CARMIL1: variants seen among roughly 807,000 people sequenced by gnomAD.
CARMIL1 encodes the protein F-actin-uncapping protein LRRC16A.
In CARMIL1, 90 loss-of-function variants were observed where a neutral mutation model predicts 177.1. The observed-to-expected ratio is 0.51, with a 90% CI of 0.43 to 0.61. The LOEUF is 0.61. CARMIL1 is among the 20% of genes least tolerant of loss of function. CARMIL1 has a pLI of 0.00. For synonymous variants in CARMIL1, 577 were observed against 606.2 expected (o/e 0.95, Z 0.71); for missense variants, 1,380 against 1,667.0 (o/e 0.83, Z 3.00).
chr6:25,591,194 G>A (rs1814267515), intron 31 of CARMIL1, among the ~76,000 whole-genome samples: 1 of 152,174 alleles, frequency 6.6e-6, no homozygotes, highest in Admixed American at 6.5e-5. Context: ...TCAAAATCCA[G>A]GTGCACCGCC....
chr6:25,586,261 C>G (rs1035903703), intron 31 of CARMIL1, among the ~76,000 whole-genome samples: 1 of 150,554 alleles, frequency 6.6e-6, no homozygotes, highest in African/African-American at 2.5e-5. Flanking sequence ...CAGAGACGCT[C>G]CTCACCTCCC....
At chr6:25,337,530 ACCAG>A (rs1301260372) in intron 2 of CARMIL1, among the ~76,000 whole-genome samples, 9 of 152,232 alleles carry the variant, frequency 5.9e-5, no homozygotes, top group African/African-American at 2.2e-4. Flanking sequence ...CAATGGTGTA[ACCAG>A]CCAACATCCT....
intron 2 of CARMIL1, among the ~76,000 whole-genome samples, chr6:25,353,106 G>A (rs115639976): frequency 0.056 from 8,540 of 152,260 alleles, 288 homozygotes; most frequent in Non-Finnish European, 0.088. Flanking sequence ...CTCAGGATAT[G>A]ACAGCTGCTC....
intron 2 of CARMIL1, among the ~76,000 whole-genome samples, chr6:25,410,318 A>G (rs7750681): frequency 0.094 from 14,365 of 152,244 alleles, 969 homozygotes; most frequent in African/African-American, 0.19. Context: ...GACTGCGGCA[A>G]TAGACTTACA....
intron 2 of CARMIL1, among the ~76,000 whole-genome samples, chr6:25,296,939 C>CTATCTATCTT (rs79382581): frequency 0.6 from 74,985 of 125,682 alleles, 19,220 homozygotes; most frequent in East Asian, 0.75. Flanking sequence ...CTATCTTTAA[C>CTATCTATCTT]TAACTAACTA....
intron 11 of CARMIL1, among the ~76,000 whole-genome samples, chr6:25,477,576 G>A (rs1801689311): frequency 6.6e-6 from 1 of 151,992 alleles, no homozygotes. Flanking sequence ...TGTGGGTGAA[G>A]ACCCATTAGC....
chr6:25,552,241 T>A (rs1456295481), intron 27 of CARMIL1, among the ~76,000 whole-genome samples: 2 of 152,088 alleles, frequency 1.3e-5, no homozygotes, highest in African/African-American at 4.8e-5. Flanking sequence ...GGTTTGAGAA[T>A]TTTTTTGTTG....
intron 8 of CARMIL1, among the ~76,000 whole-genome samples, chr6:25,462,660 G>C (rs1800223896): frequency 6.6e-6 from 1 of 152,168 alleles, no homozygotes; most frequent in South Asian, 2.1e-4. Context: ...GTTTCCTTCT[G>C]ATCTTTTAAG....
rs9379764 is a variant in CARMIL1, at chr6:25,413,795, T to C, written c.139-6319T>C. Among the ~76,000 whole-genome samples, 4 of 151,816 alleles carry C rather than the reference T, an allele frequency of 2.6e-5. No homozygotes were observed. The East Asian group carries it at 7.8e-4, about 29-fold the overall frequency. On this transcript the variant is annotated intron_variant, in intron 2 of 36. Coordinates refer to ENST00000329474, the MANE Select transcript of CARMIL1 (RefSeq NM_017640.6). The stretch of plus-strand genomic sequence containing the variant: ...AGGTTCCTTGGCTAAGCACATATAC[T>C]CCATCTGATGCACCCTAATTTTTTT...
intron 2 of CARMIL1, among the ~76,000 whole-genome samples, chr6:25,344,521 T>C (rs973804071): frequency 2.0e-5 from 3 of 152,174 alleles, no homozygotes. Flanking sequence ...CAGCACCATA[T>C]TGTTTGTCTC....
chr6:25,606,933 T>A (rs1341908297), intron 35 of CARMIL1, among the ~76,000 whole-genome samples: 1 of 152,160 alleles, frequency 6.6e-6, no homozygotes, highest in South Asian at 2.1e-4. Flanking sequence ...GAAAATCTAA[T>A]GATAGAAGAA....
intron 26 of CARMIL1, among the ~76,000 whole-genome samples, chr6:25,544,644 C>T (rs1809267887): frequency 6.9e-6 from 1 of 145,008 alleles, no homozygotes; most frequent in African/African-American, 2.6e-5. Flanking sequence ...CACACACACA[C>T]ACCCCAAACA....
intron 2 of CARMIL1, among the ~76,000 whole-genome samples, chr6:25,341,416 T>A (rs1384152963): frequency 1.3e-5 from 2 of 152,174 alleles, no homozygotes; most frequent in Non-Finnish European, 2.9e-5. Context: ...CTATCTATCT[T>A]TTATATATAG....
intron 36 of CARMIL1, among the ~76,000 whole-genome samples, chr6:25,616,502 A>T (rs185424067): frequency 1.3e-5 from 2 of 152,306 alleles, no homozygotes; most frequent in Admixed American, 1.3e-4. Context: ...TGAGCCCAAG[A>T]GTTTGAGGCT....
chr6:25,441,013 A>G (rs1006590298), intron 5 of CARMIL1, among the ~76,000 whole-genome samples: 4 of 152,140 alleles, frequency 2.6e-5, no homozygotes, highest in Non-Finnish European at 4.4e-5. Flanking sequence ...GTATGACTCT[A>G]TATAAATGAA....
In CARMIL1 at chr6:25,600,628, G is replaced by T. The variant is rs374264491; in HGVS notation, c.3434G>T (p.Arg1145Leu). Residue 1145 changes from arginine to leucine, a missense_variant, in exon 33 of 37, where the codon CGG becomes CTG. By Grantham distance (102) the Arg-to-Leu change is moderately radical. Coordinates refer to ENST00000329474, the MANE Select transcript of CARMIL1 (RefSeq NM_017640.6). ...GGGGAAGAAATAGGGAAGGTGGAAC[G>T]GAGTGACAGCAAGAGCAGCCCACAG... ...SQGEEIGKVE[R>L]SDSKSSPQAG... 6.2e-7 allele frequency: 1 copy of T among 1,613,770 alleles called. No homozygotes were observed. Among genetic ancestry groups the T allele is most frequent in the African/African-American group, 1.3e-5 (1 of 74,924 alleles).
chr6:25,581,579 C>A, intron 31 of CARMIL1, 140 bp downstream of exon 31: 1 of 700,868 alleles, frequency 1.4e-6, no homozygotes, highest in Non-Finnish European at 2.3e-6. Flanking sequence ...ATGAGATATA[C>A]AAAGTATCTC....
chr6:25,329,076 G>A (rs554027081), intron 2 of CARMIL1, among the ~76,000 whole-genome samples: 7 of 152,204 alleles, frequency 4.6e-5, no homozygotes, highest in Non-Finnish European at 7.3e-5. Flanking sequence ...CAACTTAGGC[G>A]TAAAGCCAGA....
At chr6:25,471,022 A>G (rs1162140828) in intron 9 of CARMIL1, 147 bp from the exon 10 acceptor site, 2 of 471,242 alleles carry the variant, frequency 4.2e-6, no homozygotes, top group African/African-American at 2.0e-5. Flanking sequence ...CTTCATCACG[A>G]TGGTGCGTAG....
Sources: allele counts gnomAD v4.1 joint callset (sites outside exome capture counted in the v4.1 genomes callset), GRCh38; gene constraint gnomAD v4.1.1; transcripts MANE v1.5; gene names NCBI Gene and HGNC (gene_info 2026-07-23, HGNC 2026-07-21).